The following PCNX1 variants were observed in gnomAD, a reference collection of about 807,000 sequenced individuals.
PCNX1 encodes pecanex-like protein 1.
In PCNX1, 78 loss-of-function variants were observed where a neutral mutation model predicts 242.2. That is an observed-to-expected ratio of 0.32 (90% CI 0.27 to 0.39). PCNX1 has a LOEUF of 0.39. Ranked by LOEUF, PCNX1 falls within the 10% of genes least tolerant of loss-of-function variation. The pLI is 1.00. For missense variants in PCNX1, 2,581 were observed against 2,856.5 expected (o/e 0.90, Z 2.20); for synonymous variants, 1,024 against 1,032.9 (o/e 0.99, Z 0.17).
In PCNX1 at chr14:71,114,945, G is replaced by GT. The variant is rs1447682409; in HGVS notation, c.*5010_*5011insT. The GT allele has an allele frequency of 4.4e-5, 1 of 22,568 alleles. No individual in the cohort carries two copies. Among genetic ancestry groups the GT allele is most frequent in the Non-Finnish European group, 6.9e-5 (1 of 14,422 alleles). 1.4% of individuals were successfully genotyped at this position (22,568 alleles called of 1,614,324 possible). ...TTCTACAACCAAAATAATAGAAATG[G>GT]GGGGGGGGGGGGGAATCATGTCTGC... On this transcript the variant is annotated 3_prime_UTR_variant, in exon 36 of 36. Coordinates refer to ENST00000304743, the MANE Select transcript of PCNX1 (RefSeq NM_014982.3).
At chr14:71,001,809 C>G (rs774603189) in intron 8 of PCNX1, among the ~76,000 whole-genome samples, 2 of 152,168 alleles carry the variant, frequency 1.3e-5, no homozygotes, top group Non-Finnish European at 2.9e-5. Context: ...CATTGGGAGT[C>G]TAATGGGATC....
At chr14:70,943,477 GGAACTTTGAACTTGAGA>G (rs2057340040) in intron 1 of PCNX1, among the ~76,000 whole-genome samples, 1 of 152,124 alleles carries the variant, frequency 6.6e-6, no homozygotes, top group East Asian at 1.9e-4. Context: ...AGAGATCTGT[GGAACTTTGAACTTGAGA>G]GAAATGATGT....
Position 71,101,993 on chromosome 14 carries a change from C to G in PCNX1, c.5593C>G (p.His1865Asp). 1 of 1,528,444 alleles carries G rather than the reference C, an allele frequency of 6.5e-7. No homozygotes were observed. Among genetic ancestry groups the G allele is most frequent in the Non-Finnish European group, 8.9e-7 (1 of 1,123,822 alleles). 94.7% of individuals were successfully genotyped at this position (1,528,444 alleles called of 1,614,324 possible). The change falls in exon 31 of 36, where the codon CAT becomes GAT. Residue 1865 changes from histidine to aspartate, a missense_variant. Transcript: ENST00000304743. ...TATATATTATTTTTGTATTTAGGAT[C>G]ATTTTACTTCTCCAGATGAATATGA... ...IRMSIKLHQD[H>D]FTSPDEYDDP... is the part of the protein sequence containing the mutation.
At position 70,995,917 on chromosome 14, in the gene PCNX1, A is replaced by T; in HGVS notation, c.2621A>T (p.Asp874Val). Residue 874 changes from aspartate (D) to valine (V), a missense_variant, in exon 8 of 36, where the codon GAT (aspartate) becomes GTT (valine). This residue lies in a region of PCNX1 where 1,204 missense variants were observed against 1,216.7 expected (regional missense o/e 0.99). Transcript: ENST00000304743. ...ASAVGGSSLH[D>V]ELGKFSSTLY... The stretch of plus-strand genomic sequence containing the variant: ...GCTGTAGGCGGTAGCAGTTTGCACG[A>T]TGAACTTGGTATGCAGGCCTTATGT... The T allele has an allele frequency of 6.2e-7, 1 of 1,613,312 alleles. No homozygotes were observed. Among genetic ancestry groups the T allele is most frequent in the Non-Finnish European group, 8.5e-7 (1 of 1,179,218 alleles).
At position 71,091,158 on chromosome 14, in the gene PCNX1, C is replaced by A. The variant is rs898001202; in HGVS notation, c.5589+1816C>A. Reference sequence around the variant, plus strand: ...GGAGAAGTTCCTTAATTCTGATATACCTTCTAGGAGGGTGGAGATTGACCT... The same window carrying A: ...GGAGAAGTTCCTTAATTCTGATATAACTTCTAGGAGGGTGGAGATTGACCT... On this transcript the variant is annotated intron_variant, in intron 30 of 35. Transcript: ENST00000304743. Among the ~76,000 whole-genome samples the A allele has an allele frequency of 4.6e-5, 7 of 152,028 alleles. No homozygotes were observed. In the East Asian group the frequency reaches 9.6e-4, roughly 21 times the overall value.
At chr14:71,096,321 G>T (rs2062279387) in intron 30 of PCNX1, among the ~76,000 whole-genome samples, 1 of 147,740 alleles carries the variant, frequency 6.8e-6, no homozygotes, top group African/African-American at 2.5e-5. Context: ...TGTCTCAAAA[G>T]AAAAAAAAAA....
rs183951694 is a variant in PCNX1, at chr14:70,956,265, A to G, written c.363-5961A>G. ...TGTTTTCTTAGAAAGAATAAGGGCC[A>G]AGCGCAGTGGCTCACGCTTGTATTC... is the stretch of plus-strand genomic sequence containing the variant. On this transcript the variant is annotated intron_variant, in intron 2 of 35. Coordinates refer to ENST00000304743, the MANE Select transcript of PCNX1 (RefSeq NM_014982.3). 2.3e-3 allele frequency among the ~76,000 whole-genome samples: 343 copies of G among 152,266 alleles called. 1 individual carries two copies. The highest frequency in any genetic ancestry group is 3.2e-3 in the Non-Finnish European group (216 of 68,004).
intron 1 of PCNX1, among the ~76,000 whole-genome samples, chr14:70,918,811 A>G (rs926293047): frequency 4.6e-5 from 7 of 151,834 alleles, no homozygotes; most frequent in Non-Finnish European, 1.0e-4. Context: ...CTCACATAAC[A>G]CTTTTCCAAA....
chr14:71,004,672 T>C (rs1368189901), intron 8 of PCNX1, among the ~76,000 whole-genome samples: 1 of 152,006 alleles, frequency 6.6e-6, no homozygotes, highest in African/African-American at 2.4e-5. Context: ...AGCAATATAG[T>C]GAGTAATTTC....
chr14:70,931,394 A>AT lies in PCNX1; in HGVS notation c.154-15516dup, dbSNP rs529776397. Among the ~76,000 whole-genome samples the AT allele has an allele frequency of 7.4e-3, 1,128 of 152,324 alleles. 12 individuals carry two copies. Among genetic ancestry groups the AT allele is most frequent in the African/African-American group, 0.025 (1,054 of 41,564 alleles). On this transcript the variant is annotated intron_variant, in intron 1 of 35. Coordinates refer to ENST00000304743, the MANE Select transcript of PCNX1 (RefSeq NM_014982.3). ...ATGTAAACAGCCATAGGATGGACTG[A>AT]TTTTTAGGCAGACAGTAGAAAGAAG...
intron 26 of PCNX1, among the ~76,000 whole-genome samples, chr14:71,059,628 A>G (rs2061273798): frequency 6.6e-6 from 1 of 152,020 alleles, no homozygotes; most frequent in Admixed American, 6.6e-5. Flanking sequence ...CCTGAGCTCA[A>G]GCGACCCTCC....
At chr14:71,055,650 T>C in intron 25 of PCNX1, 88 bp downstream of exon 25, 1 of 726,710 alleles carries the variant, frequency 1.4e-6, no homozygotes, top group African/African-American at 1.8e-5. Flanking sequence ...TTGTTGGGAA[T>C]CCTCTATGAA....
chr14:70,934,792 AATAG>A (rs1473665201), intron 1 of PCNX1, among the ~76,000 whole-genome samples: 5 of 152,166 alleles, frequency 3.3e-5, no homozygotes, highest in Admixed American at 2.6e-4. Flanking sequence ...GTTGTTGTTT[AATAG>A]ATAGAGGGTT....
intron 11 of PCNX1, among the ~76,000 whole-genome samples, chr14:71,016,684 G>A (rs962922287): frequency 2.0e-5 from 3 of 152,150 alleles, no homozygotes; most frequent in Non-Finnish European, 4.4e-5. Flanking sequence ...CTAAATGAAA[G>A]TGAAAACACA....
In PCNX1 at chr14:71,091,720, C is replaced by T. The variant is rs1372879602; in HGVS notation, c.5589+2378C>T. Among the ~76,000 whole-genome samples the T allele has an allele frequency of 4.6e-5, 7 of 152,178 alleles. 1 individual carries two copies. The highest frequency in any genetic ancestry group is 1.7e-4 in the African/African-American group (7 of 41,428). The stretch of plus-strand genomic sequence containing the variant: ...CAAAAACACAGACTATACATGGCAA[C>T]ATCTGCAGTTGAAAGAAATGTAAAC... On this transcript the variant is annotated intron_variant, in intron 30 of 35. Coordinates refer to ENST00000304743, the MANE Select transcript of PCNX1 (RefSeq NM_014982.3).
intron 33 of PCNX1, 74 bp downstream of exon 33, chr14:71,105,514 G>T: frequency 8.7e-7 from 1 of 1,149,852 alleles, no homozygotes; most frequent in East Asian, 2.4e-5. Flanking sequence ...TGTGTATAAA[G>T]AGGATTACAT....
chr14:70,947,663 G>T (rs766589937), intron 2 of PCNX1, among the ~76,000 whole-genome samples: 2 of 152,092 alleles, frequency 1.3e-5, no homozygotes, highest in Non-Finnish European at 2.9e-5. Context: ...TGCGTTGTCT[G>T]TATAAATTGT....
At position 71,076,215 on chromosome 14, in the gene PCNX1, G is replaced by A. The variant is rs765028022; in HGVS notation, c.5133G>A (p.Ser1711=). ...GTATCATTTATTATGTTACGACCTCGTCTAAGCTAGAGGAGTGGCTAGCTA... is the reference window on the plus strand; with the variant it reads ...GTATCATTTATTATGTTACGACCTCATCTAAGCTAGAGGAGTGGCTAGCTA... The part of the protein sequence containing the change: ...VKGIIYYVTT[S]SKLEEWLANE... Residue 1711 remains serine, a synonymous_variant, in exon 28 of 36, where the codon TCG becomes TCA. Transcript: ENST00000304743. 12 of 1,609,454 alleles carry A rather than the reference G, an allele frequency of 7.5e-6. No individual in the cohort carries two copies. Among genetic ancestry groups the A allele is most frequent in the Admixed American group, 1.7e-5 (1 of 59,872 alleles).
intron 28 of PCNX1, among the ~76,000 whole-genome samples, chr14:71,082,290 T>A (rs2061874300): frequency 6.6e-6 from 1 of 152,220 alleles, no homozygotes; most frequent in Non-Finnish European, 1.5e-5. Context: ...ATGTGGTCAG[T>A]TTTAGAATAA....
Sources: allele counts gnomAD v4.1 joint callset (sites outside exome capture counted in the v4.1 genomes callset), GRCh38; gene constraint gnomAD v4.1.1; regional missense constraint gnomAD v4.1.1; transcripts MANE v1.5; gene names NCBI Gene and HGNC (gene_info 2026-07-23, HGNC 2026-07-21).